Variants in ZNF582 observed in about 807,000 individuals in gnomAD.
The protein encoded by ZNF582 is zinc finger protein 582.
Under a neutral mutation model 12.3 loss-of-function variants are expected in ZNF582, and 14 were observed. That is an observed-to-expected ratio of 1.14 (90% CI 0.75 to 1.78). The LOEUF (loss-of-function observed/expected upper bound fraction) is 1.78, where lower values mean the gene tolerates loss of function less well. ZNF582 is among the 40% of genes most tolerant of loss of function. The probability of loss-of-function intolerance (pLI) is 0.00; values close to 1 mark genes in which losing one functional copy is unlikely to be tolerated. For synonymous variants in ZNF582, 210 were observed against 207.2 expected, an observed-to-expected ratio of 1.01 and a Z score of -0.11; for missense variants, 567 against 616.5, an observed-to-expected ratio of 0.92 and a Z score of 0.85.
chr19:56,391,863 T>A, intron 1 of ZNF582, 31 bp from the exon 2 acceptor site: 2 of 1,576,324 alleles, frequency 1.3e-6, no homozygotes, highest in Non-Finnish European at 1.7e-6. Flanking sequence ...CATGAGAGGC[T>A]AGGCTTGCCT....
In ZNF582 at chr19:56,391,726, TG is replaced by T. The variant is rs1160092935; in HGVS notation, c.9+17del. ...TCAAGATAAGGAAAGCAAATATTTA[TG>T]GGATTTAAAAACTCACAAGGGACAT... On this transcript the variant is annotated intron_variant, in intron 2 of 4. Transcript: ENST00000586929. 6.2e-7 allele frequency: 1 copy of T among 1,608,796 alleles called. No homozygotes were observed.
At chr19:56,385,300 C>T in intron 4 of ZNF582, 116 bp from the exon 5 acceptor site, 2 of 1,078,896 alleles carry the variant, frequency 1.9e-6, no homozygotes. Context: ...TGTAGCTAAG[C>T]AATTATAAAA....
intron 1 of ZNF582, among the ~76,000 whole-genome samples, chr19:56,392,770 T>C (rs894116840): frequency 6.6e-6 from 1 of 152,244 alleles, no homozygotes; most frequent in African/African-American, 2.4e-5. Flanking sequence ...TGTTGTCATT[T>C]AACCAGTTCT....
At chr19:56,388,212 C>T (rs902609204) in intron 4 of ZNF582, 1 of 151,964 alleles carries the variant, frequency 6.6e-6, no homozygotes, top group African/African-American at 2.4e-5. Context: ...GTCTGGAAAA[C>T]TATGAACGTT....
At position 56,393,197 on chromosome 19, in the gene ZNF582, G is replaced by A. The variant is rs998035203; in HGVS notation, c.-81+23C>T. ...TGCAAAACATCCGCAATTTCAGGGG[G>A]TCGGAGACCCCTGCGCACCCACCTA... On this transcript the variant is annotated intron_variant, in intron 1 of 4. Transcript: ENST00000586929. 6 of 1,265,796 alleles carry A rather than the reference G, an allele frequency of 4.7e-6. No individual in the cohort carries two copies. In the African/African-American group the frequency reaches 9.4e-5, roughly 20 times the overall value. 78.4% of individuals were successfully genotyped at this position (1,265,796 alleles called of 1,614,324 possible).
chr19:56,392,997 C>T (rs1453377006), intron 1 of ZNF582, among the ~76,000 whole-genome samples: 1 of 152,192 alleles, frequency 6.6e-6, no homozygotes, highest in African/African-American at 2.4e-5. Context: ...CTGTGATCCA[C>T]TCAAGTGTTT....
intron 2 of ZNF582, 79 bp from the exon 3 acceptor site, chr19:56,390,580 C>G: frequency 2.7e-6 from 4 of 1,507,796 alleles, no homozygotes; most frequent in South Asian, 1.2e-5. Context: ...CAGGTCTTTG[C>G]GGGAGGGGGG....
rs548604442 is a variant in ZNF582 at position 56,388,397 on chromosome 19, A to C, written c.232+1604T>G. On this transcript the variant is annotated intron_variant, in intron 4 of 4. Transcript: ENST00000586929. ...CTTTACAGGAGTATGTGATCTAATA[A>C]ATAAGAATAAAGTTTTTTTAAAAAT... The C allele has an allele frequency of 6.0e-4, 92 of 152,366 alleles. 1 individual carries two copies. The highest frequency in any genetic ancestry group is 2.1e-3 in the African/African-American group (89 of 41,596). The allele number at this position is 152,366 out of a possible 1,614,324, so 9.4% of individuals were successfully genotyped here.
intron 4 of ZNF582, chr19:56,386,411 A>C (rs1321123295): frequency 6.6e-6 from 1 of 152,244 alleles, no homozygotes; most frequent in South Asian, 2.1e-4. Context: ...AAATTTCTTA[A>C]ATGTCATGCA....
Position 56,393,219 on chromosome 19 carries a change from C to A in ZNF582, c.-81+1G>T. The stretch of plus-strand genomic sequence containing the variant: ...GGGGTCGGAGACCCCTGCGCACCCA[C>A]CTAAGGGGTCCATGCACCTGGGCTA... On this transcript the variant is annotated splice_donor_variant, in intron 1 of 4. Transcript: ENST00000586929. LOFTEE classifies it low-confidence loss of function (5UTR_SPLICE). 7.9e-7 allele frequency: 1 copy of A among 1,259,290 alleles called. No homozygotes were observed. The highest frequency in any genetic ancestry group is 1.0e-6 in the Non-Finnish European group (1 of 981,288). 78.0% of individuals were successfully genotyped at this position (1,259,290 alleles called of 1,614,324 possible).
At chr19:56,384,405 G>C in exon 5 of ZNF582, 1 of 1,602,170 alleles carries the variant, frequency 6.2e-7, no homozygotes, top group Non-Finnish European at 8.5e-7. Flanking sequence ...CATTCATAGA[G>C]TTTCCTGCCA....
chr19:56,390,700 A>G (rs950914271), intron 2 of ZNF582, among the ~76,000 whole-genome samples, 199 bp from the exon 3 acceptor site: 13 of 152,202 alleles, frequency 8.5e-5, no homozygotes, highest in African/African-American at 3.1e-4. Context: ...TTTTAACTGC[A>G]AATCAATGCT....
At chr19:56,388,718 C>A (rs9636160) in intron 4 of ZNF582, among the ~76,000 whole-genome samples, 10 of 151,914 alleles carry the variant, frequency 6.6e-5, no homozygotes, top group Non-Finnish European at 1.0e-4. Context: ...CTGCAATCTC[C>A]GCCTCCCGTG....
At chr19:56,384,343 C>G in exon 5 of ZNF582, 1 of 1,613,582 alleles carries the variant, frequency 6.2e-7, no homozygotes, top group Non-Finnish European at 8.5e-7. Context: ...TATGAATTCT[C>G]TGATGTCGTA....
chr19:56,393,488 A>G, exon 1 of ZNF582: 1 of 511,606 alleles, frequency 2.0e-6, no homozygotes, highest in Non-Finnish European at 3.9e-6. Context: ...CGCCCCCGGC[A>G]GCCCAGGGCG....
intron 4 of ZNF582, chr19:56,387,794 C>T (rs1253674592): frequency 6.6e-6 from 1 of 152,332 alleles, no homozygotes; most frequent in East Asian, 1.9e-4. Context: ...AAAGTATTAA[C>T]ACAGTGTATT....
intron 3 of ZNF582, 29 bp from the exon 4 acceptor site, chr19:56,390,125 G>C: frequency 2.5e-6 from 4 of 1,606,846 alleles, no homozygotes; most frequent in Non-Finnish European, 3.4e-6. Flanking sequence ...ATGCCACCTG[G>C]TTATGGTGTG....
exon 5 of ZNF582, chr19:56,384,573 G>A (rs980450483): frequency 6.2e-7 from 1 of 1,614,120 alleles, no homozygotes; most frequent in Non-Finnish European, 8.5e-7. Flanking sequence ...CACTGATAGG[G>A]TTTCTCGCCT....
rs746525997 is a variant in ZNF582 at position 56,390,348 on chromosome 19, C to T, written c.136+27G>A. The T allele has an allele frequency of 3.7e-6, 6 of 1,613,988 alleles. No individual in the cohort carries two copies. The East Asian group carries it at 1.3e-4, about 36-fold the overall frequency. On this transcript the variant is annotated intron_variant, in intron 3 of 4. Transcript: ENST00000586929. The stretch of plus-strand genomic sequence containing the variant: ...GAAGGAACATGCCCAAGGATAACCT[C>T]CAAACTAACAGACGAGATCACCTTA...
Sources: allele counts gnomAD v4.1 joint callset (sites outside exome capture counted in the v4.1 genomes callset), GRCh38; gene constraint gnomAD v4.1.1; transcripts MANE v1.5; gene names NCBI Gene and HGNC (gene_info 2026-07-23, HGNC 2026-07-21).